The following ZNF608 variants were observed in gnomAD, a reference collection of about 807,000 sequenced individuals.
ZNF608 encodes the protein zinc finger protein 608.
In ZNF608, 12 loss-of-function variants were observed where a neutral mutation model predicts 109.0. That is an observed-to-expected ratio of 0.11 (90% CI 0.07 to 0.18). The LOEUF is 0.18. Among genes scored for constraint, ZNF608 ranks in the 10% least tolerant of loss-of-function variants. ZNF608 has a pLI of 1.00. For missense variants in ZNF608, 1,707 were observed against 1,879.3 expected (o/e 0.91, Z 1.70); for synonymous variants, 732 against 717.4 (o/e 1.02, Z -0.33).
chr5:124,690,314 A>G (rs149186982), intron 3 of ZNF608, among the ~76,000 whole-genome samples: 152 of 152,308 alleles, frequency 1.0e-3, no homozygotes, highest in African/African-American at 3.6e-3. Flanking sequence ...CTTATTATAC[A>G]TTTATCTAAA....
intron 3 of ZNF608, among the ~76,000 whole-genome samples, chr5:124,686,344 C>T (rs1752411157): frequency 6.6e-6 from 1 of 152,178 alleles, no homozygotes; most frequent in Non-Finnish European, 1.5e-5. Flanking sequence ...ACTGCTTTGC[C>T]ATGAAGATTG....
At chr5:124,656,741 C>CT (rs1554083798) in intron 3 of ZNF608, among the ~76,000 whole-genome samples, 1 of 131,666 alleles carries the variant, frequency 7.6e-6, no homozygotes, top group Admixed American at 7.5e-5. Flanking sequence ...TATGGAAATC[C>CT]TTTTTTAAAA....
At chr5:124,684,649 T>C (rs1329098478) in intron 3 of ZNF608, among the ~76,000 whole-genome samples, 1 of 152,240 alleles carries the variant, frequency 6.6e-6, no homozygotes, top group Non-Finnish European at 1.5e-5. Context: ...CATATATTTT[T>C]ATAACAAATG....
chr5:124,743,007 C>G (rs532318136), intron 2 of ZNF608, among the ~76,000 whole-genome samples: 1 of 152,332 alleles, frequency 6.6e-6, no homozygotes, highest in South Asian at 2.1e-4. Flanking sequence ...ATATCACACA[C>G]ACACCCCTAA....
chr5:124,715,337 G>A (rs1753648728), intron 2 of ZNF608, among the ~76,000 whole-genome samples: 1 of 152,104 alleles, frequency 6.6e-6, no homozygotes, highest in Non-Finnish European at 1.5e-5. Context: ...CGCTCTCTTG[G>A]CATCACGTTT....
chr5:124,699,093 C>T (rs1004778556), intron 3 of ZNF608, among the ~76,000 whole-genome samples: 1 of 152,176 alleles, frequency 6.6e-6, no homozygotes, highest in Non-Finnish European at 1.5e-5. Flanking sequence ...AGGGAAATTA[C>T]CCTTACACTT....
At position 124,648,431 on chromosome 5, in the gene ZNF608, A is replaced by T; in HGVS notation, c.1953T>A (p.Ile651=). Residue 651 remains isoleucine, a synonymous_variant, in exon 5 of 10, where the codon ATT becomes ATA. Coordinates refer to ENST00000513986, the MANE Select transcript of ZNF608 (RefSeq NM_020747.3). ...AATTCTTCCCAGCTTTAGCACCAAT[A>T]ATGGAACCTGGGCCATTGCTCATCA... ...RELMSNGPGS[I]IGAKAGKNSG... The T allele has an allele frequency of 3.7e-6, 6 of 1,614,092 alleles. No individual in the cohort carries two copies. The highest frequency in any genetic ancestry group is 5.1e-6 in the Non-Finnish European group (6 of 1,180,018).
chr5:124,741,351 G>A (rs559863177), intron 2 of ZNF608, among the ~76,000 whole-genome samples: 10 of 144,336 alleles, frequency 6.9e-5, no homozygotes, highest in East Asian at 2.0e-4. Flanking sequence ...AAAATTAACC[G>A]GTGACAGCAA....
chr5:124,711,967 A>C (rs950844447), intron 2 of ZNF608, among the ~76,000 whole-genome samples: 16 of 152,122 alleles, frequency 1.1e-4, no homozygotes, highest in African/African-American at 3.6e-4. Context: ...ACAGGGCAAG[A>C]CTGGAGGAAG....
chr5:124,647,708 G>A lies in ZNF608; in HGVS notation c.2676C>T (p.Asn892=), dbSNP rs145115495. The change falls in exon 5 of 10, where the codon AAC becomes AAT. Residue 892 remains asparagine, a synonymous_variant. Transcript: ENST00000513986. ...CGCTCCCTATGGAAGGGCTGGGAGC[G>A]TTGTCTGTGAAAGTGTAAACCTTAT... ...EADKVYTFTD[N]APSPSIGSAS... 67 of 1,614,174 alleles carry A rather than the reference G, an allele frequency of 4.2e-5. No homozygotes were observed. In the African/African-American group the frequency reaches 6.9e-4, roughly 17 times the overall value.
intron 2 of ZNF608, among the ~76,000 whole-genome samples, chr5:124,742,566 C>A (rs1167058279): frequency 1.3e-5 from 2 of 152,124 alleles, no homozygotes. Flanking sequence ...TAATGTGAAA[C>A]TACACATTTA....
At chr5:124,659,654 C>T (rs947079005) in intron 3 of ZNF608, among the ~76,000 whole-genome samples, 1 of 152,196 alleles carries the variant, frequency 6.6e-6, no homozygotes, top group Non-Finnish European at 1.5e-5. Context: ...TCTTGTAGAT[C>T]AGTAGGTCAT....
intron 3 of ZNF608, among the ~76,000 whole-genome samples, chr5:124,685,672 C>A (rs1332650185): frequency 6.6e-6 from 1 of 151,556 alleles, no homozygotes; most frequent in Non-Finnish European, 1.5e-5. Flanking sequence ...GGGGATCTGA[C>A]TTAGCTGCCA....
intron 2 of ZNF608, among the ~76,000 whole-genome samples, chr5:124,729,624 T>A (rs1708959438): frequency 6.6e-6 from 1 of 152,250 alleles, no homozygotes; most frequent in South Asian, 2.1e-4. Context: ...TACTTCTATA[T>A]GTGTATATGT....
chr5:124,729,847 T>C (rs531538831), intron 2 of ZNF608, among the ~76,000 whole-genome samples: 1 of 152,294 alleles, frequency 6.6e-6, no homozygotes, highest in East Asian at 1.9e-4. Flanking sequence ...ACAGATTTTG[T>C]GGGTAAGCTG....
Position 124,701,197 on chromosome 5 carries a change from A to C in ZNF608, c.979T>G (p.Ser327Ala), listed in dbSNP as rs1179837810. ...TTGGATGAAGATGGGGAAAAGTAGG[A>C]GGGTAGAATCTGAGGCGTGAGACTG... Reference protein sequence around the residue: ...SSSLTPQILPSYFSPSSSNIA... With the variant: ...SSSLTPQILPAYFSPSSSNIA... Residue 327 changes from serine to alanine, a missense_variant, in exon 3 of 10, where the codon TCC (serine) becomes GCC (alanine). Ser to Ala is a moderately conservative substitution (Grantham distance 99). This residue lies in a region of ZNF608 where 407 missense variants were observed against 398.7 expected (regional missense o/e 1.02). Coordinates refer to ENST00000513986, the MANE Select transcript of ZNF608 (RefSeq NM_020747.3). 1.2e-6 allele frequency: 2 copies of C among 1,614,110 alleles called. No homozygotes were observed. The highest frequency in any genetic ancestry group is 1.7e-6 in the Non-Finnish European group (2 of 1,180,014).
At chr5:124,682,767 T>C (rs1398838270) in intron 3 of ZNF608, among the ~76,000 whole-genome samples, 4 of 152,240 alleles carry the variant, frequency 2.6e-5, no homozygotes, top group Non-Finnish European at 5.9e-5. Context: ...AAGGTAATCA[T>C]AGAACATGAC....
At chr5:124,711,717 A>T (rs148894021) in intron 2 of ZNF608, among the ~76,000 whole-genome samples, 1 of 152,346 alleles carries the variant, frequency 6.6e-6, no homozygotes, top group African/African-American at 2.4e-5. Flanking sequence ...AAATGTGGTC[A>T]GAGCTGAAGG....
chr5:124,666,502 C>A (rs1281741022), intron 3 of ZNF608: 1 of 152,126 alleles, frequency 6.6e-6, no homozygotes, highest in Non-Finnish European at 1.5e-5. Flanking sequence ...AGAGTAGTTT[C>A]TTTTAAAATG....
Sources: gnomAD v4.1 joint callset for allele counts (sites outside exome capture counted in the v4.1 genomes callset) on GRCh38, gnomAD v4.1.1 for gene constraint, gnomAD v4.1.1 regional missense constraint, MANE v1.5 for transcripts, NCBI Gene and HGNC (gene_info 2026-07-23, HGNC 2026-07-21) for gene names.